Variants in PARVA observed in about 807,000 individuals in gnomAD.
PARVA encodes alpha-parvin.
Under a neutral mutation model 52.6 loss-of-function variants are expected in PARVA, and 25 were observed. The observed-to-expected ratio is 0.48, with a 90% confidence interval of 0.35 to 0.66. The LOEUF (loss-of-function observed/expected upper bound fraction) is 0.66, where lower values mean the gene tolerates loss of function less well. Among genes scored for constraint, PARVA ranks in the 30% least tolerant of loss-of-function variants. The probability of loss-of-function intolerance (pLI) is 0.01; values close to 1 mark genes in which losing one functional copy is unlikely to be tolerated. For missense variants in PARVA, 373 were observed against 450.9 expected (o/e 0.83, Z 1.56); for synonymous variants, 185 against 179.1 (o/e 1.03, Z -0.26).
At chr11:12,455,389 A>C (rs1310500978) in intron 1 of PARVA, among the ~76,000 whole-genome samples, 1 of 152,200 alleles carries the variant, frequency 6.6e-6, no homozygotes, top group Admixed American at 6.5e-5. Context: ...TTTCAAAATG[A>C]GTGGGTTTCC....
chr11:12,522,002 A>T (rs1941642847), intron 12 of PARVA, among the ~76,000 whole-genome samples: 1 of 152,166 alleles, frequency 6.6e-6, no homozygotes, highest in Non-Finnish European at 1.5e-5. Flanking sequence ...TGATTTCTAG[A>T]ATTCAGAGAT....
chr11:12,423,561 G>A (rs898458765), intron 1 of PARVA, among the ~76,000 whole-genome samples: 1 of 151,884 alleles, frequency 6.6e-6, no homozygotes, highest in Non-Finnish European at 1.5e-5. Flanking sequence ...CTATAGCTGG[G>A]ATAAATATGC....
At chr11:12,467,116 A>AT (rs1482228165) in intron 1 of PARVA, among the ~76,000 whole-genome samples, 3 of 152,114 alleles carry the variant, frequency 2.0e-5, no homozygotes, top group Non-Finnish European at 4.4e-5. Context: ...CAAGTATTGC[A>AT]TTTTTTGTGC....
rs1216212832 is a variant in PARVA at position 12,534,847 on chromosome 11, A to T, written c.*6922A>T. Among the ~76,000 whole-genome samples, 1 of 152,230 alleles carries T rather than the reference A, an allele frequency of 6.6e-6. No homozygotes were observed. Among genetic ancestry groups the T allele is most frequent in the Admixed American group, 6.5e-5 (1 of 15,286 alleles). On this transcript the variant is annotated 3_prime_UTR_variant, in exon 13 of 13. Transcript: ENST00000334956. ...GCCCTTGGCAAATATATGTTGGTGT[A>T]TCTGAAAAACAGCTCCTGGAAGCTT... is the stretch of plus-strand genomic sequence containing the variant.
chr11:12,407,844 C>T (rs1939935547), intron 1 of PARVA, among the ~76,000 whole-genome samples: 1 of 152,188 alleles, frequency 6.6e-6, no homozygotes, highest in South Asian at 2.1e-4. Flanking sequence ...CCTTTTTGCA[C>T]CTCATAAGGA....
At chr11:12,516,225 A>G (rs1369207132) in intron 10 of PARVA, among the ~76,000 whole-genome samples, 3 of 152,192 alleles carry the variant, frequency 2.0e-5, no homozygotes, top group Non-Finnish European at 2.9e-5. Flanking sequence ...GGCTACCTGG[A>G]AAGCTCTCTG....
intron 1 of PARVA, among the ~76,000 whole-genome samples, chr11:12,392,251 A>G (rs904751566): frequency 1.3e-4 from 20 of 149,754 alleles, no homozygotes; most frequent in African/African-American, 4.9e-4. Flanking sequence ...TGTAGCATGT[A>G]TCTGTACTTC....
chr11:12,441,061 C>T (rs1940459669), intron 1 of PARVA, among the ~76,000 whole-genome samples: 2 of 152,184 alleles, frequency 1.3e-5, no homozygotes, highest in Admixed American at 1.3e-4. Flanking sequence ...TTGCCTACCA[C>T]TGTATTTTTA....
At position 12,534,704 on chromosome 11, in the gene PARVA, G is replaced by C. The variant is rs989789564; in HGVS notation, c.*6779G>C. Reference sequence around the variant, plus strand: ...AGGACAATAGATAAATATTTAATCTGTTACATGTTTGCTCTGTGTGGAGCC... The same window carrying C: ...AGGACAATAGATAAATATTTAATCTCTTACATGTTTGCTCTGTGTGGAGCC... On this transcript the variant is annotated 3_prime_UTR_variant, in exon 13 of 13. Transcript: ENST00000334956. Among the ~76,000 whole-genome samples, 3 of 152,180 alleles carry C rather than the reference G, an allele frequency of 2.0e-5. No homozygotes were observed. Among genetic ancestry groups the C allele is most frequent in the Admixed American group, 1.3e-4 (2 of 15,280 alleles).
intron 1 of PARVA, among the ~76,000 whole-genome samples, chr11:12,469,730 C>A (rs1025930838): frequency 6.6e-6 from 1 of 152,166 alleles, no homozygotes; most frequent in African/African-American, 2.4e-5. Context: ...CAAATCGTTT[C>A]CTGAAAAAAA....
chr11:12,523,109 A>T (rs1342536392), intron 12 of PARVA, among the ~76,000 whole-genome samples: 1 of 152,112 alleles, frequency 6.6e-6, no homozygotes, highest in African/African-American at 2.4e-5. Context: ...TTTAAAAAAA[A>T]TTTTTAATGA....
intron 4 of PARVA, among the ~76,000 whole-genome samples, chr11:12,487,685 G>C (rs1941177549): frequency 6.6e-6 from 1 of 150,884 alleles, no homozygotes; most frequent in Non-Finnish European, 1.5e-5. Flanking sequence ...TAAACTGAAA[G>C]AGTTATTTTC....
At chr11:12,431,719 A>G (rs868605714) in intron 1 of PARVA, among the ~76,000 whole-genome samples, 2 of 152,356 alleles carry the variant, frequency 1.3e-5, no homozygotes, top group Middle Eastern at 3.4e-3. Flanking sequence ...CTGTATCTGC[A>G]TGGCCCTGAG....
At chr11:12,380,385 G>T (rs978800880) in intron 1 of PARVA, among the ~76,000 whole-genome samples, 1 of 150,658 alleles carries the variant, frequency 6.6e-6, no homozygotes, top group African/African-American at 2.5e-5. Context: ...GGTTATGGAC[G>T]AGGGGCTGCT....
chr11:12,444,956 G>A (rs906256865), intron 1 of PARVA, among the ~76,000 whole-genome samples: 23 of 152,202 alleles, frequency 1.5e-4, no homozygotes, highest in Admixed American at 2.0e-4. Flanking sequence ...GAGAGGGCTT[G>A]TCGTATAAAG....
chr11:12,420,219 T>C (rs1462125517), intron 1 of PARVA, among the ~76,000 whole-genome samples: 3 of 152,188 alleles, frequency 2.0e-5, no homozygotes, highest in Non-Finnish European at 4.4e-5. Flanking sequence ...AAATTCCTAA[T>C]AGGCATTTAT....
intron 1 of PARVA, among the ~76,000 whole-genome samples, chr11:12,412,790 A>C (rs1940008837): frequency 6.6e-6 from 1 of 152,222 alleles, no homozygotes; most frequent in Non-Finnish European, 1.5e-5. Flanking sequence ...CTTCATTCAG[A>C]CTTCCTAATT....
chr11:12,446,168 C>T (rs962370389), intron 1 of PARVA, among the ~76,000 whole-genome samples: 43 of 152,072 alleles, frequency 2.8e-4, no homozygotes, highest in African/African-American at 8.9e-4. Context: ...CCAAACACTT[C>T]GAGGGAGTTT....
intron 1 of PARVA, among the ~76,000 whole-genome samples, chr11:12,437,394 A>G (rs1305987211): frequency 2.6e-5 from 4 of 152,164 alleles, no homozygotes; most frequent in Admixed American, 6.5e-5. Flanking sequence ...TAAGCCTCCT[A>G]TCACAAGTTA....
Sources: gnomAD v4.1 joint callset for allele counts (sites outside exome capture counted in the v4.1 genomes callset) on GRCh38, gnomAD v4.1.1 for gene constraint, MANE v1.5 for transcripts, NCBI Gene and HGNC (gene_info 2026-07-23, HGNC 2026-07-21) for gene names.